The following RFTN1 variants were observed in gnomAD, a reference collection of about 807,000 sequenced individuals.
RFTN1 encodes the protein raftlin.
A neutral mutation model predicts 46.5 loss-of-function variants in RFTN1; 26 were observed. That is an observed-to-expected ratio of 0.56 (90% CI 0.41 to 0.78). The LOEUF is 0.78. Among genes scored for constraint, RFTN1 ranks in the 30% least tolerant of loss-of-function variants. The probability of loss-of-function intolerance (pLI) is 0.00; values close to 1 mark genes in which losing one functional copy is unlikely to be tolerated. For synonymous variants in RFTN1, 261 were observed against 284.2 expected (o/e 0.92, Z 0.82); for missense variants, 693 against 718.7 (o/e 0.96, Z 0.41).
chr3:16,354,964 T>C (rs1195158847), intron 7 of RFTN1, among the ~76,000 whole-genome samples: 1 of 152,210 alleles, frequency 6.6e-6, no homozygotes, highest in East Asian at 1.9e-4. Context: ...AGGATGGCCT[T>C]TCCTCCAGTT....
chr3:16,345,819 C>T lies in RFTN1; in HGVS notation c.1146+12113G>A, dbSNP rs59320074. On this transcript the variant is annotated intron_variant, in intron 7 of 9. Transcript: ENST00000334133. This position sits in a 1 kb window ranked among gnomAD's most constrained non-coding sequence, Gnocchi z 5.2. ...GTGTGTGTGTGTGTGTGTGTGTGTG[C>T]GCGCGCGCGTGCGCGCACGCGCACA... Among the ~76,000 whole-genome samples, 34,360 of 82,240 alleles carry T rather than the reference C, an allele frequency of 0.42. 4,442 individuals carry two copies. The highest frequency in any genetic ancestry group is 0.53 in the Middle Eastern group (83 of 158). 54.0% of individuals were successfully genotyped at this position (82,240 alleles called of 152,430 possible).
At chr3:16,445,483 TCACACACACACACA>T (rs10681518) in intron 2 of RFTN1, among the ~76,000 whole-genome samples, 4 of 126,776 alleles carry the variant, frequency 3.2e-5, no homozygotes, top group Admixed American at 8.2e-5. Flanking sequence ...TCTCTCTCTC[TCACACACACACACA>T]CACACACACA....
In RFTN1 at chr3:16,376,501, T is replaced by A. The variant is rs773450050; in HGVS notation, c.826+1217A>T. Among the ~76,000 whole-genome samples the A allele has an allele frequency of 6.6e-6, 1 of 152,068 alleles. No individual in the cohort carries two copies. The highest frequency in any genetic ancestry group is 1.5e-5 in the Non-Finnish European group (1 of 68,000). ...CAGAGCACACACATCCAGCCCAGCC[T>A]CCATGAGAAGATGGAGGTTTCTGGA... is the stretch of plus-strand genomic sequence containing the variant. On this transcript the variant is annotated intron_variant, in intron 5 of 9. Coordinates refer to ENST00000334133, the MANE Select transcript of RFTN1 (RefSeq NM_015150.2). This position sits in a 1 kb window ranked among gnomAD's most constrained non-coding sequence, Gnocchi z 4.7.
intron 5 of RFTN1, among the ~76,000 whole-genome samples, chr3:16,377,373 C>A (rs1238947653): frequency 6.6e-6 from 1 of 152,170 alleles, no homozygotes; most frequent in Non-Finnish European, 1.5e-5. Context: ...TTCATCGGTG[C>A]CTGGCAGGCT....
intron 4 of RFTN1, among the ~76,000 whole-genome samples, chr3:16,398,638 C>T (rs1353325036): frequency 1.3e-5 from 2 of 152,188 alleles, no homozygotes; most frequent in Non-Finnish European, 2.9e-5. Context: ...TCACCCCTCA[C>T]CTTCAGGAGC....
At position 16,506,664 on chromosome 3, in the gene RFTN1, G is replaced by A. The variant is rs2076812312; in HGVS notation, c.-9+6778C>T. 6.6e-6 allele frequency among the ~76,000 whole-genome samples: 1 copy of A among 151,942 alleles called. No individual in the cohort carries two copies. The highest frequency in any genetic ancestry group is 1.5e-5 in the Non-Finnish European group (1 of 68,000). ...GTAGAAGAAGCCAGGAGTTAGCCAT[G>A]TTAACTCCACCCAAGCAGAGGTATG... On this transcript the variant is annotated intron_variant, in intron 1 of 9. Transcript: ENST00000334133. This position sits in a 1 kb window ranked among gnomAD's most constrained non-coding sequence, Gnocchi z 4.8.
rs1338348529 is a variant in RFTN1, at chr3:16,361,291, A to G, written c.1031-3244T>C. Among the ~76,000 whole-genome samples, 2 of 152,174 alleles carry G rather than the reference A, an allele frequency of 1.3e-5. No homozygotes were observed. Among genetic ancestry groups the G allele is most frequent in the Non-Finnish European group, 2.9e-5 (2 of 68,040 alleles). On this transcript the variant is annotated intron_variant, in intron 6 of 9. Coordinates refer to ENST00000334133, the MANE Select transcript of RFTN1 (RefSeq NM_015150.2). This position sits in a 1 kb window ranked among gnomAD's most constrained non-coding sequence, Gnocchi z 4.3. ...AATAACCTTCCAGCCATTCATTATGACACCTACTGGGAATCTATTATGTGC... is the reference window on the plus strand; with the variant it reads ...AATAACCTTCCAGCCATTCATTATGGCACCTACTGGGAATCTATTATGTGC...
Position 16,507,712 on chromosome 3 carries a change from TACAC to T in RFTN1, c.-9+5726_-9+5729del, listed in dbSNP as rs1398953180. On this transcript the variant is annotated intron_variant, in intron 1 of 9. Coordinates refer to ENST00000334133, the MANE Select transcript of RFTN1 (RefSeq NM_015150.2). The surrounding 1 kb of genome is among the most constrained non-coding windows in gnomAD (Gnocchi z 7.1). ...ACACATACACACACATACATACACA[TACAC>T]ACATACACACAAACACATACACACA... is the stretch of plus-strand genomic sequence containing the variant. Among the ~76,000 whole-genome samples, 1 of 145,030 alleles carries T rather than the reference TACAC, an allele frequency of 6.9e-6. No homozygotes were observed. The highest frequency in any genetic ancestry group is 2.6e-5 in the African/African-American group (1 of 38,652).
intron 7 of RFTN1, among the ~76,000 whole-genome samples, chr3:16,343,029 G>A (rs183356047): frequency 6.6e-6 from 1 of 152,100 alleles, no homozygotes; most frequent in African/African-American, 2.4e-5. Flanking sequence ...TTAATGTAGA[G>A]AGACAAGGTC....
At chr3:16,508,946 T>C (rs1388587773) in intron 1 of RFTN1, among the ~76,000 whole-genome samples, 1 of 152,226 alleles carries the variant, frequency 6.6e-6, no homozygotes, top group Non-Finnish European at 1.5e-5. Context: ...TCTGGGCCAC[T>C]TGAAATGCGG....
intron 4 of RFTN1, among the ~76,000 whole-genome samples, chr3:16,401,856 C>T (rs1311899269): frequency 1.3e-5 from 2 of 152,198 alleles, no homozygotes; most frequent in Admixed American, 1.3e-4. Flanking sequence ...AATTTTGGGT[C>T]CATATTTCCA....
At chr3:16,490,906 G>A (rs926625363) in intron 2 of RFTN1, among the ~76,000 whole-genome samples, 12 of 152,202 alleles carry the variant, frequency 7.9e-5, no homozygotes, top group African/African-American at 2.9e-4. Context: ...AATACATGGT[G>A]AGTATTCACT....
rs2076653826 is a variant in RFTN1, at chr3:16,498,205, C to A, written c.-8-4328G>T. On this transcript the variant is annotated intron_variant, in intron 1 of 9. Transcript: ENST00000334133. This position sits in a 1 kb window ranked among gnomAD's most constrained non-coding sequence, Gnocchi z 5.2. ...TACTTGAGTCATTACATAACGACTG[C>A]AACTTAGTTTAGTAGGTAAACTATA... Among the ~76,000 whole-genome samples, 1 of 152,212 alleles carries A rather than the reference C, an allele frequency of 6.6e-6. No individual in the cohort carries two copies. The highest frequency in any genetic ancestry group is 1.9e-4 in the East Asian group (1 of 5,192).
rs1281119606 is a variant in RFTN1 at position 16,370,645 on chromosome 3, C to A, written c.827-366G>T. On this transcript the variant is annotated intron_variant, in intron 5 of 9. Transcript: ENST00000334133. This position sits in a 1 kb window ranked among gnomAD's most constrained non-coding sequence, Gnocchi z 5.5. Reference sequence around the variant, plus strand: ...TGTTTTAGAAATAAAAGCAGACATACTTGGGTGAGAATGGTCTTTGGAAAA... The same window carrying A: ...TGTTTTAGAAATAAAAGCAGACATAATTGGGTGAGAATGGTCTTTGGAAAA... Among the ~76,000 whole-genome samples, 1 of 152,152 alleles carries A rather than the reference C, an allele frequency of 6.6e-6. No homozygotes were observed. Among genetic ancestry groups the A allele is most frequent in the Non-Finnish European group, 1.5e-5 (1 of 68,034 alleles).
In RFTN1 at chr3:16,512,799, C is replaced by T. The variant is rs1016083482; in HGVS notation, c.-9+643G>A. Reference sequence around the variant, plus strand: ...AATCCCTTACAGAAGAGGAGATCCCCGTTTTCAGTGCTGGGGACTCTCGGC... The same window carrying T: ...AATCCCTTACAGAAGAGGAGATCCCTGTTTTCAGTGCTGGGGACTCTCGGC... On this transcript the variant is annotated intron_variant, in intron 1 of 9. Transcript: ENST00000334133. The surrounding 1 kb of genome is among the most constrained non-coding windows in gnomAD (Gnocchi z 4.3). 2.3e-4 allele frequency: 35 copies of T among 152,230 alleles called. No homozygotes were observed. Among genetic ancestry groups the T allele is most frequent in the African/African-American group, 8.2e-4 (34 of 41,432 alleles). The allele number at this position is 152,230 out of a possible 1,614,324, so 9.4% of individuals were successfully genotyped here.
rs2075810341 is a variant in RFTN1, at chr3:16,450,784, T to C, written c.146-16747A>G. On this transcript the variant is annotated intron_variant, in intron 2 of 9. Transcript: ENST00000334133. This position sits in a 1 kb window ranked among gnomAD's most constrained non-coding sequence, Gnocchi z 4.6. ...CTGTTCTCAAGTCTCTTTCTTTCTT[T>C]TTTTTTTCCATCATAAGAAAACAAA... Among the ~76,000 whole-genome samples, 1 of 152,156 alleles carries C rather than the reference T, an allele frequency of 6.6e-6. No homozygotes were observed. The highest frequency in any genetic ancestry group is 6.5e-5 in the Admixed American group (1 of 15,272).
chr3:16,391,638 A>T (rs1029137030), intron 4 of RFTN1, among the ~76,000 whole-genome samples: 5 of 152,208 alleles, frequency 3.3e-5, no homozygotes, highest in African/African-American at 1.2e-4. Flanking sequence ...ACACTGCCAT[A>T]GTGGATGAAG....
At position 16,335,899 on chromosome 3, in the gene RFTN1, C is replaced by T. The variant is rs1048988586; in HGVS notation, c.1147-9023G>A. 3.3e-5 allele frequency among the ~76,000 whole-genome samples: 5 copies of T among 152,168 alleles called. No homozygotes were observed. Among genetic ancestry groups the T allele is most frequent in the Non-Finnish European group, 5.9e-5 (4 of 68,028 alleles). On this transcript the variant is annotated intron_variant, in intron 7 of 9. Transcript: ENST00000334133. The surrounding 1 kb of genome is among the most constrained non-coding windows in gnomAD (Gnocchi z 4.7). ...TCTCAGGAGGCCACAGGCAGGACTC[C>T]GCAGGAGGGAAGTGGCCGACAGCAA...
rs962594405 is a variant in RFTN1 at position 16,459,605 on chromosome 3, T to C, written c.146-25568A>G. On this transcript the variant is annotated intron_variant, in intron 2 of 9. Transcript: ENST00000334133. This position sits in a 1 kb window ranked among gnomAD's most constrained non-coding sequence, Gnocchi z 4.2. ...AGACCCTGTGTTTCTAAAATAATAATAATAATAAGTAAATAAATGAAAATT... is the reference window on the plus strand; with the variant it reads ...AGACCCTGTGTTTCTAAAATAATAACAATAATAAGTAAATAAATGAAAATT... Among the ~76,000 whole-genome samples the C allele has an allele frequency of 3.9e-5, 6 of 151,962 alleles. No homozygotes were observed. The highest frequency in any genetic ancestry group is 7.4e-5 in the Non-Finnish European group (5 of 67,970).
Sources: gnomAD v4.1 joint callset for allele counts (sites outside exome capture counted in the v4.1 genomes callset) on GRCh38, gnomAD v4.1.1 for gene constraint, Gnocchi (gnomAD v3.1) non-coding constraint, MANE v1.5 for transcripts, NCBI Gene and HGNC (gene_info 2026-07-23, HGNC 2026-07-21) for gene names.